Variants in BRINP3 observed in about 807,000 individuals in gnomAD.
BRINP3 encodes the protein BMP/retinoic acid-inducible neural-specific protein 3.
Under a neutral mutation model 71.0 loss-of-function variants are expected in BRINP3, and 19 were observed. That is an observed-to-expected ratio of 0.27 (90% CI 0.19 to 0.39). The LOEUF (loss-of-function observed/expected upper bound fraction) is 0.39. BRINP3 is among the 10% of genes least tolerant of loss of function. BRINP3 has a pLI of 1.00. For missense variants in BRINP3, 959 were observed against 940.8 expected, an observed-to-expected ratio of 1.02 and a Z score of -0.25; for synonymous variants, 380 against 337.7, an observed-to-expected ratio of 1.13 and a Z score of -1.37.
At chr1:190,197,308 C>T (rs1163305055) in intron 6 of BRINP3, among the ~76,000 whole-genome samples, 3 of 152,212 alleles carry the variant, frequency 2.0e-5, no homozygotes, top group South Asian at 2.1e-4. Context: ...CAGCACCTGG[C>T]CCCTACCAAA....
chr1:190,421,363 T>C (rs1393594910), intron 2 of BRINP3, among the ~76,000 whole-genome samples: 1 of 149,918 alleles, frequency 6.7e-6, no homozygotes, highest in Non-Finnish European at 1.5e-5. Context: ...ACTAGGATTT[T>C]TGGGTAACTC....
intron 4 of BRINP3, among the ~76,000 whole-genome samples, chr1:190,264,201 TTTTC>T (rs1180611591): frequency 1.4e-5 from 2 of 145,202 alleles, no homozygotes; most frequent in Non-Finnish European, 3.0e-5. Context: ...CTTTCTCTCA[TTTTC>T]TTTTTTTTCT....
intron 7 of BRINP3, among the ~76,000 whole-genome samples, chr1:190,143,240 C>T (rs1246708731): frequency 1.3e-5 from 2 of 152,232 alleles, no homozygotes; most frequent in South Asian, 2.1e-4. Context: ...GTTAGATTAC[C>T]TCTACCACAT....
chr1:190,249,321 C>T (rs1659904880), intron 4 of BRINP3, among the ~76,000 whole-genome samples: 1 of 151,786 alleles, frequency 6.6e-6, no homozygotes, highest in Non-Finnish European at 1.5e-5. Flanking sequence ...AAATTGTAGA[C>T]CTCCAGACAC....
chr1:190,118,953 A>C (rs1653384355), intron 7 of BRINP3, among the ~76,000 whole-genome samples: 1 of 152,132 alleles, frequency 6.6e-6, no homozygotes, highest in Non-Finnish European at 1.5e-5. Context: ...TCATCAGGCC[A>C]TTTTATGTTC....
At chr1:190,216,927 G>A (rs1297906581) in intron 6 of BRINP3, 1 of 151,402 alleles carries the variant, frequency 6.6e-6, no homozygotes, top group Non-Finnish European at 1.5e-5. Flanking sequence ...TTTTTTTTCT[G>A]TTTTAATAAA....
At chr1:190,249,997 G>A (rs1314912949) in intron 4 of BRINP3, among the ~76,000 whole-genome samples, 2 of 151,882 alleles carry the variant, frequency 1.3e-5, no homozygotes, top group African/African-American at 4.8e-5. Context: ...GTCTAAATTA[G>A]ATAGAAAATG....
intron 7 of BRINP3, among the ~76,000 whole-genome samples, chr1:190,144,502 C>T (rs1026615240): frequency 2.2e-4 from 33 of 151,724 alleles, no homozygotes. Flanking sequence ...TCATTTATTT[C>T]CATTAAGATA....
chr1:190,164,612 A>T (rs566259491), intron 6 of BRINP3, among the ~76,000 whole-genome samples: 1 of 152,088 alleles, frequency 6.6e-6, no homozygotes, highest in Non-Finnish European at 1.5e-5. Context: ...TTTTTTAGAG[A>T]CAAGGTTTCA....
In BRINP3 at chr1:190,437,051, T is replaced by G. The variant is rs563583867; in HGVS notation, c.236+17604A>C. On this transcript the variant is annotated intron_variant, in intron 2 of 7. Coordinates refer to ENST00000367462, the MANE Select transcript of BRINP3 (RefSeq NM_199051.3). ...CACCTGAGTATTGCTCAAAGCAATC[T>G]GTATAATCAATATTGTTTAAACTGG... 5.0e-4 allele frequency among the ~76,000 whole-genome samples: 76 copies of G among 151,752 alleles called. No individual in the cohort carries two copies. In the Middle Eastern group the frequency reaches 0.014, roughly 27 times the overall value.
chr1:190,419,566 C>A (rs1338868879), intron 2 of BRINP3, among the ~76,000 whole-genome samples: 3 of 151,644 alleles, frequency 2.0e-5, no homozygotes, highest in African/African-American at 7.3e-5. Flanking sequence ...GTAGCTTATA[C>A]CAACTTGTGA....
At chr1:190,164,601 A>AT (rs1382775695) in intron 6 of BRINP3, among the ~76,000 whole-genome samples, 2 of 151,988 alleles carry the variant, frequency 1.3e-5, no homozygotes, top group Non-Finnish European at 2.9e-5. Context: ...TTTATTTATT[A>AT]TTTTTTAGAG....
intron 2 of BRINP3, among the ~76,000 whole-genome samples, chr1:190,292,578 A>G (rs1366749388): frequency 6.6e-6 from 1 of 152,114 alleles, no homozygotes; most frequent in Non-Finnish European, 1.5e-5. Flanking sequence ...ACTTGAGCCC[A>G]GGAAGTCTAG....
At chr1:190,453,203 ATTTTTTTTTTTTTTTTTTTTT>A (rs1190785225) in intron 2 of BRINP3, among the ~76,000 whole-genome samples, 1 of 40,888 alleles carries the variant, frequency 2.4e-5, no homozygotes, top group Non-Finnish European at 4.2e-5. Context: ...AAACTTTAGT[ATTTTTTTTTTTTTTTTTTTTT>A]TTTTTTTTTT....
At chr1:190,361,890 G>A (rs531877163) in intron 2 of BRINP3, among the ~76,000 whole-genome samples, 3 of 152,136 alleles carry the variant, frequency 2.0e-5, no homozygotes, top group African/African-American at 4.8e-5. Flanking sequence ...CCCAAAATTC[G>A]TATGTTGAAG....
At chr1:190,365,448 C>A (rs1221914225) in intron 2 of BRINP3, among the ~76,000 whole-genome samples, 1 of 150,880 alleles carries the variant, frequency 6.6e-6, no homozygotes, top group Non-Finnish European at 1.5e-5. Context: ...TACATTTCTT[C>A]ATGGGAGATA....
In BRINP3 at chr1:190,253,317, A is replaced by G. The variant is rs75906888; in HGVS notation, c.618+11548T>C. Among the ~76,000 whole-genome samples, 969 of 152,214 alleles carry G rather than the reference A, an allele frequency of 6.4e-3. 10 individuals carry two copies. The highest frequency in any genetic ancestry group is 0.021 in the African/African-American group (881 of 41,526). On this transcript the variant is annotated intron_variant, in intron 4 of 7. Transcript: ENST00000367462. The stretch of plus-strand genomic sequence containing the variant: ...TAATGGGATCACTGGCTCAAATGGT[A>G]TTTCTAGTTCTGGATCCTTGAGCAA...
At chr1:190,189,465 T>TC (rs1226804549) in intron 6 of BRINP3, among the ~76,000 whole-genome samples, 2 of 152,178 alleles carry the variant, frequency 1.3e-5, no homozygotes, top group East Asian at 3.9e-4. Flanking sequence ...TTTTTCTTTT[T>TC]CTCCTCTTAC....
At chr1:190,440,566 G>C (rs949448681) in intron 2 of BRINP3, among the ~76,000 whole-genome samples, 3 of 151,880 alleles carry the variant, frequency 2.0e-5, no homozygotes, top group African/African-American at 7.2e-5. Context: ...TAAACTTAGA[G>C]AATTCCCTGT....
Sources: allele counts gnomAD v4.1 joint callset (sites outside exome capture counted in the v4.1 genomes callset), GRCh38; gene constraint gnomAD v4.1.1; transcripts MANE v1.5; gene names NCBI Gene and HGNC (gene_info 2026-07-23, HGNC 2026-07-21).